Variants in PDE11A observed in about 807,000 individuals in gnomAD.
The protein encoded by PDE11A is phosphodiesterase 11A, also known as dual 3',5'-cyclic-AMP and -GMP phosphodiesterase 11A.
PDE11A carries 100 observed loss-of-function variants against 100.5 expected under a neutral mutation model. The observed-to-expected ratio is 1.00, with a 90% confidence interval of 0.85 to 1.18. PDE11A has a LOEUF of 1.18. Among genes scored for constraint, PDE11A ranks in the 50% most tolerant of loss-of-function variants. The pLI is 0.00. For missense variants in PDE11A, 1,141 were observed against 1,152.6 expected (o/e 0.99, Z 0.15); for synonymous variants, 381 against 420.8 (o/e 0.91, Z 1.16).
At chr2:177,958,935 C>T (rs188172147) in intron 2 of PDE11A, among the ~76,000 whole-genome samples, 2 of 152,256 alleles carry the variant, frequency 1.3e-5, no homozygotes, top group Admixed American at 1.3e-4. Flanking sequence ...AGGTACTGTG[C>T]TAATTATTGG....
chr2:177,658,603 A>AC (rs889672638), intron 19 of PDE11A, among the ~76,000 whole-genome samples: 2 of 151,186 alleles, frequency 1.3e-5, no homozygotes, highest in Non-Finnish European at 2.9e-5. Context: ...CCATATATAT[A>AC]CCCCCTTTGT....
At chr2:178,021,397 A>G (rs1414550987) in intron 1 of PDE11A, among the ~76,000 whole-genome samples, 1 of 152,214 alleles carries the variant, frequency 6.6e-6, no homozygotes. Flanking sequence ...CTAATGGGAG[A>G]TCAGAATCGC....
intron 19 of PDE11A, among the ~76,000 whole-genome samples, chr2:177,655,589 A>T (rs1412111318): frequency 6.6e-6 from 1 of 151,954 alleles, no homozygotes; most frequent in Non-Finnish European, 1.5e-5. Flanking sequence ...CCCAGGCTGG[A>T]GTGCAGTGTT....
At chr2:177,925,561 C>G (rs536448601) in intron 2 of PDE11A, among the ~76,000 whole-genome samples, 1 of 152,254 alleles carries the variant, frequency 6.6e-6, no homozygotes, top group African/African-American at 2.4e-5. Context: ...CCTTCGCCCA[C>G]TTTTTCATGG....
At chr2:177,831,812 C>T (rs1416822260) in intron 6 of PDE11A, among the ~76,000 whole-genome samples, 1 of 152,184 alleles carries the variant, frequency 6.6e-6, no homozygotes, top group Non-Finnish European at 1.5e-5. Context: ...TGAAGTTTAT[C>T]TATTACTTTA....
At chr2:178,029,253 G>T (rs1291107114) in intron 1 of PDE11A, among the ~76,000 whole-genome samples, 1 of 152,144 alleles carries the variant, frequency 6.6e-6, no homozygotes. Flanking sequence ...TAGCCAGTTT[G>T]AAATCACCAT....
At chr2:177,901,489 C>T (rs551804689) in intron 3 of PDE11A, among the ~76,000 whole-genome samples, 1 of 152,192 alleles carries the variant, frequency 6.6e-6, no homozygotes, top group African/African-American at 2.4e-5. Context: ...GAGAAATCAG[C>T]TTTGTCTAGG....
chr2:177,882,772 G>A (rs1479975786), intron 4 of PDE11A, among the ~76,000 whole-genome samples: 1 of 152,028 alleles, frequency 6.6e-6, no homozygotes, highest in Non-Finnish European at 1.5e-5. Context: ...AAGTCTTTTT[G>A]ATTTGGATAT....
At chr2:178,084,804 A>G (rs2105880526) in intron 2 of PDE11A, among the ~76,000 whole-genome samples, 1 of 152,114 alleles carries the variant, frequency 6.6e-6, no homozygotes, top group East Asian at 1.9e-4. Flanking sequence ...AAGAATGACA[A>G]ACTATTGTCA....
At chr2:177,948,071 G>C (rs1056272882) in intron 2 of PDE11A, among the ~76,000 whole-genome samples, 1 of 151,690 alleles carries the variant, frequency 6.6e-6, no homozygotes, top group Non-Finnish European at 1.5e-5. Flanking sequence ...ATAATACTAT[G>C]TGCATGTGTG....
chr2:178,085,980 TA>T (rs971094833), intron 2 of PDE11A, among the ~76,000 whole-genome samples: 8 of 152,308 alleles, frequency 5.3e-5, no homozygotes, highest in African/African-American at 1.7e-4. Context: ...TGTAACTTAA[TA>T]AAAACAATCT....
chr2:178,069,094 A>T (rs566126434), intron 1 of PDE11A, among the ~76,000 whole-genome samples: 1 of 152,232 alleles, frequency 6.6e-6, no homozygotes, highest in Non-Finnish European at 1.5e-5. Context: ...AAAGAATATC[A>T]GCAAACTAGG....
chr2:177,853,214 T>C (rs941515903), intron 5 of PDE11A, among the ~76,000 whole-genome samples: 31 of 152,258 alleles, frequency 2.0e-4, no homozygotes, highest in African/African-American at 7.5e-4. Context: ...TTATCTCTAA[T>C]TTTTAGTTTC....
intron 1 of PDE11A, among the ~76,000 whole-genome samples, chr2:178,032,721 T>C (rs1428904586): frequency 6.6e-6 from 1 of 152,182 alleles, no homozygotes; most frequent in African/African-American, 2.4e-5. Flanking sequence ...CAGTCTTTGC[T>C]GTTCTGCAGC....
At chr2:177,926,750 G>GC (rs1559009995) in intron 2 of PDE11A, 1 of 151,676 alleles carries the variant, frequency 6.6e-6, no homozygotes, top group Non-Finnish European at 1.5e-5. Context: ...ACATTTCCTG[G>GC]TTTTTTTTCC....
intron 1 of PDE11A, among the ~76,000 whole-genome samples, chr2:178,040,725 C>T (rs989385998): frequency 6.6e-6 from 1 of 152,166 alleles, no homozygotes; most frequent in Non-Finnish European, 1.5e-5. Context: ...TCAATTTGCT[C>T]ACTTTTCTCT....
At chr2:177,943,136 G>C (rs1284650235) in intron 2 of PDE11A, among the ~76,000 whole-genome samples, 1 of 152,182 alleles carries the variant, frequency 6.6e-6, no homozygotes, top group Admixed American at 6.5e-5. Context: ...TGGCCACTTA[G>C]ATTGCTTCTA....
chr2:177,966,547 T>A (rs1405474281), intron 2 of PDE11A, among the ~76,000 whole-genome samples: 3 of 150,624 alleles, frequency 2.0e-5, no homozygotes, highest in Non-Finnish European at 4.5e-5. Context: ...TTATAGAGGG[T>A]GTTTTTTTTT....
chr2:177,771,305 A>AGGTAACATTAAACT (rs2082307593), intron 9 of PDE11A, among the ~76,000 whole-genome samples: 1 of 152,250 alleles, frequency 6.6e-6, no homozygotes, highest in African/African-American at 2.4e-5. Context: ...ACTCCCTTTT[A>AGGTAACATTAAACT]GGTAACATTA....
Sources: allele counts gnomAD v4.1 joint callset (sites outside exome capture counted in the v4.1 genomes callset), GRCh38; gene constraint gnomAD v4.1.1; transcripts MANE v1.5; gene names NCBI Gene and HGNC (gene_info 2026-07-23, HGNC 2026-07-21).